The following TFCP2 variants were observed in gnomAD, a reference collection of about 807,000 sequenced individuals.
TFCP2 encodes transcription factor CP2.
A neutral mutation model predicts 73.4 loss-of-function variants in TFCP2; 33 were observed. The observed-to-expected ratio is 0.45, with a 90% CI of 0.34 to 0.60. The LOEUF is 0.60. Ranked by LOEUF, TFCP2 falls within the 20% of genes least tolerant of loss-of-function variation. The pLI is 0.01. For missense variants in TFCP2, 352 were observed against 604.0 expected (o/e 0.58, Z 4.37); for synonymous variants, 193 against 211.6 (o/e 0.91, Z 0.76).
At chr12:51,104,292 C>G in intron 8 of TFCP2, 89 bp from the exon 9 acceptor site, 2 of 1,161,288 alleles carry the variant, frequency 1.7e-6, no homozygotes, top group African/African-American at 1.6e-5. Flanking sequence ...AAATCTCATG[C>G]TAGAGATTAA....
chr12:51,112,398 T>G (rs1940424402), intron 4 of TFCP2, among the ~76,000 whole-genome samples: 1 of 152,182 alleles, frequency 6.6e-6, no homozygotes, highest in African/African-American at 2.4e-5. Context: ...TAAGGTGGAT[T>G]AAGTCTACAC....
intron 1 of TFCP2, 109 bp from the exon 2 acceptor site, chr12:51,118,881 C>T: frequency 7.8e-7 from 1 of 1,283,744 alleles, no homozygotes; most frequent in Non-Finnish European, 1.1e-6. Flanking sequence ...CATTACTCAC[C>T]TTGGTGGAGT....
intron 3 of TFCP2, 94 bp from the exon 4 acceptor site, chr12:51,116,514 C>T (rs1472708009): frequency 1.8e-6 from 1 of 568,708 alleles, no homozygotes; most frequent in East Asian, 3.0e-5. Flanking sequence ...CAGTTTGTTT[C>T]TAAACGCAAT....
chr12:51,138,632 T>G (rs1205376147), intron 1 of TFCP2, among the ~76,000 whole-genome samples: 4 of 152,098 alleles, frequency 2.6e-5, no homozygotes, highest in Non-Finnish European at 5.9e-5. Flanking sequence ...TTCTTTTTTC[T>G]TTTGAGACCA....
At chr12:51,124,510 G>T (rs1940753930) in intron 1 of TFCP2, 2 of 385,884 alleles carry the variant, frequency 5.2e-6, no homozygotes, top group Non-Finnish European at 1.0e-5. Flanking sequence ...TCTGGGGTAG[G>T]GGGGTAAGGC....
At chr12:51,115,832 C>G (rs1396137598) in intron 4 of TFCP2, among the ~76,000 whole-genome samples, 3 of 152,136 alleles carry the variant, frequency 2.0e-5, no homozygotes, top group Non-Finnish European at 4.4e-5. Flanking sequence ...TTATGCAGTA[C>G]TTAGTAGTCC....
At chr12:51,116,681 G>C (rs1263524158) in intron 3 of TFCP2, among the ~76,000 whole-genome samples, 3 of 146,252 alleles carry the variant, frequency 2.1e-5, no homozygotes, top group African/African-American at 7.6e-5. Context: ...GCAATGGTGT[G>C]ATCTCGGCTC....
At chr12:51,099,597 C>T (rs1940058135) in intron 12 of TFCP2, 58 bp downstream of exon 12, 2 of 1,591,576 alleles carry the variant, frequency 1.3e-6, no homozygotes, top group Non-Finnish European at 1.7e-6. Context: ...CACACATGCC[C>T]ATAAGTTATC....
At chr12:51,109,356 C>A in intron 5 of TFCP2, 83 bp from the exon 6 acceptor site, 1 of 1,452,526 alleles carries the variant, frequency 6.9e-7, no homozygotes, top group Admixed American at 1.8e-5. Flanking sequence ...CTATTAACAG[C>A]AAAACCTTTA....
intron 1 of TFCP2, among the ~76,000 whole-genome samples, chr12:51,121,234 A>G (rs967532548): frequency 6.6e-6 from 1 of 151,936 alleles, no homozygotes; most frequent in Non-Finnish European, 1.5e-5. Context: ...CAGCCTGGCT[A>G]GCATGGTAAA....
At chr12:51,123,692 T>C (rs1386659485) in intron 1 of TFCP2, among the ~76,000 whole-genome samples, 1 of 152,174 alleles carries the variant, frequency 6.6e-6, no homozygotes, top group South Asian at 2.1e-4. Context: ...TCCCAAAGTG[T>C]TGGGATCACA....
chr12:51,094,530 C>T lies in TFCP2; in HGVS notation c.*711G>A, dbSNP rs1939911376. The stretch of plus-strand genomic sequence containing the variant: ...ATTTCAGCATCACTGCCTGCCAGCT[C>T]CTGGCACCTAGCAAGCTACTTAGCC... On this transcript the variant is annotated 3_prime_UTR_variant, in exon 15 of 15. Coordinates refer to ENST00000257915, the MANE Select transcript of TFCP2 (RefSeq NM_005653.5). The T allele has an allele frequency of 6.6e-6, 1 of 152,286 alleles. No homozygotes were observed. Among genetic ancestry groups the T allele is most frequent in the South Asian group, 2.1e-4 (1 of 4,828 alleles). 9.4% of individuals were successfully genotyped at this position (152,286 alleles called of 1,614,324 possible).
At chr12:51,141,093 TA>T (rs1484777027) in intron 1 of TFCP2, among the ~76,000 whole-genome samples, 1 of 60,368 alleles carries the variant, frequency 1.7e-5, no homozygotes, top group Non-Finnish European at 3.8e-5. Context: ...AAAAAAATAA[TA>T]TTTTTTACAT....
intron 7 of TFCP2, chr12:51,107,001 G>GCAAAC: frequency 1.7e-6 from 1 of 578,348 alleles, no homozygotes; most frequent in East Asian, 3.1e-5. Context: ...AGCTCCTGCA[G>GCAAAC]CAAACCAAAC....
intron 1 of TFCP2, among the ~76,000 whole-genome samples, chr12:51,155,715 G>T (rs1366273323): frequency 6.6e-6 from 1 of 152,106 alleles, no homozygotes; most frequent in Admixed American, 6.6e-5. Flanking sequence ...CTGGTATTTT[G>T]TTGATGATTT....
At position 51,106,597 on chromosome 12, in the gene TFCP2, T is replaced by C; in HGVS notation, c.845A>G (p.Glu282Gly). ...TILTECSPWPEITYVNNSPSP... is the reference protein window; with the variant it reads ...TILTECSPWPGITYVNNSPSP... The stretch of plus-strand genomic sequence containing the variant: ...TGGGGAGTTATTGACATACGTGATC[T>C]CGGGCCATGGAGAACACTAAAAACA... Residue 282 changes from glutamate to glycine, a missense_variant, in exon 8 of 15, where the codon GAG (glutamate) becomes GGG (glycine). This residue lies in a region of TFCP2 where 47 missense variants were observed against 89.1 expected (regional missense o/e 0.53). Coordinates refer to ENST00000257915, the MANE Select transcript of TFCP2 (RefSeq NM_005653.5). 1 of 1,613,468 alleles carries C rather than the reference T, an allele frequency of 6.2e-7. No individual in the cohort carries two copies. Among genetic ancestry groups the C allele is most frequent in the Non-Finnish European group, 8.5e-7 (1 of 1,179,664 alleles).
At chr12:51,155,844 C>T (rs1310136893) in intron 1 of TFCP2, among the ~76,000 whole-genome samples, 1 of 152,140 alleles carries the variant, frequency 6.6e-6, no homozygotes, top group Non-Finnish European at 1.5e-5. Flanking sequence ...GAGTTTGAGA[C>T]CAGCCTGGCC....
chr12:51,116,292 G>A, intron 4 of TFCP2, 23 bp downstream of exon 4: 1 of 1,402,750 alleles, frequency 7.1e-7, no homozygotes, highest in East Asian at 2.3e-5. Context: ...GCATTTCCTA[G>A]GCAATAGATT....
intron 1 of TFCP2, among the ~76,000 whole-genome samples, chr12:51,139,460 C>A (rs186514217): frequency 6.6e-6 from 1 of 152,076 alleles, no homozygotes; most frequent in African/African-American, 2.4e-5. Flanking sequence ...AAGTCTCAAA[C>A]TCCTGGGCCC....
Sources: allele counts gnomAD v4.1 joint callset (sites outside exome capture counted in the v4.1 genomes callset), GRCh38; gene constraint gnomAD v4.1.1; regional missense constraint gnomAD v4.1.1; transcripts MANE v1.5; gene names NCBI Gene and HGNC (gene_info 2026-07-23, HGNC 2026-07-21).